Variants in RALGPS1 observed in about 807,000 individuals in gnomAD.
RALGPS1 encodes ras-specific guanine nucleotide-releasing factor RalGPS1.
A neutral mutation model predicts 78.8 loss-of-function variants in RALGPS1; 19 were observed. The ratio of observed to expected loss-of-function variants is 0.24; its 90% CI spans 0.17 to 0.35. RALGPS1 has a LOEUF of 0.35. Among genes scored for constraint, RALGPS1 ranks in the 10% least tolerant of loss-of-function variants. The probability of loss-of-function intolerance (pLI) is 1.00; values close to 1 mark genes in which losing one functional copy is unlikely to be tolerated. For missense variants in RALGPS1, 454 were observed against 688.3 expected (o/e 0.66, Z 3.81); for synonymous variants, 228 against 256.3 (o/e 0.89, Z 1.06).
intron 1 of RALGPS1, among the ~76,000 whole-genome samples, chr9:126,921,844 A>G (rs1191482237): frequency 6.6e-6 from 1 of 152,242 alleles, no homozygotes; most frequent in African/African-American, 2.4e-5. Context: ...GCACCCAGGA[A>G]GTGGGAGCTA....
intron 1 of RALGPS1, among the ~76,000 whole-genome samples, chr9:126,946,050 G>A (rs2037234201): frequency 6.6e-6 from 1 of 152,214 alleles, no homozygotes; most frequent in Non-Finnish European, 1.5e-5. Flanking sequence ...GGGAGACTGC[G>A]TAAGAGGCTT....
chr9:127,124,482 C>T (rs1052435502), intron 8 of RALGPS1, among the ~76,000 whole-genome samples: 1 of 152,204 alleles, frequency 6.6e-6, no homozygotes. Flanking sequence ...AGGCCCCACA[C>T]ACTGGGGAGC....
At position 127,219,956 on chromosome 9, in the gene RALGPS1, C is replaced by T. The variant is rs922463819; in HGVS notation, c.*1187C>T. 2 of 152,634 alleles carry T rather than the reference C, an allele frequency of 1.3e-5. No individual in the cohort carries two copies. The highest frequency in any genetic ancestry group is 1.9e-4 in the East Asian group (1 of 5,200). 9.5% of individuals were successfully genotyped at this position (152,634 alleles called of 1,614,324 possible). ...TGTTGATGACCGTGTGACAATAGAG[C>T]GAAGCCCCGGGGAGTGAACGGTCCA... is the stretch of plus-strand genomic sequence containing the variant. On this transcript the variant is annotated 3_prime_UTR_variant, in exon 19 of 19. Coordinates refer to ENST00000259351, the MANE Select transcript of RALGPS1 (RefSeq NM_014636.3). The surrounding 1 kb of genome is among the most constrained non-coding windows in gnomAD (Gnocchi z 5.0).
intron 8 of RALGPS1, among the ~76,000 whole-genome samples, chr9:127,121,601 T>C (rs1477200162): frequency 6.6e-6 from 1 of 152,230 alleles, no homozygotes; most frequent in Non-Finnish European, 1.5e-5. Context: ...TAATACTGAG[T>C]GCTTTCAGGC....
At chr9:127,000,534 CTTTTTTTTTTT>C (rs1163116649) in intron 4 of RALGPS1, among the ~76,000 whole-genome samples, 7 of 33,308 alleles carry the variant, frequency 2.1e-4, no homozygotes, top group South Asian at 1.8e-3. Flanking sequence ...CTTGTCTTGT[CTTTTTTTTTTT>C]TTTTTTTTTT....
intron 5 of RALGPS1, among the ~76,000 whole-genome samples, chr9:127,047,654 G>A (rs189559983): frequency 3.2e-4 from 48 of 151,124 alleles, no homozygotes; most frequent in Admixed American, 2.6e-4. Context: ...AGCAGAGATC[G>A]TGCCACTGCA....
intron 5 of RALGPS1, among the ~76,000 whole-genome samples, chr9:127,043,815 T>C (rs915345610): frequency 2.0e-5 from 3 of 152,174 alleles, no homozygotes; most frequent in Non-Finnish European, 4.4e-5. Context: ...AAAGAAGATA[T>C]GCAGATGGCA....
intron 1 of RALGPS1, among the ~76,000 whole-genome samples, chr9:126,942,771 A>G (rs2036904137): frequency 6.6e-6 from 1 of 152,180 alleles, no homozygotes; most frequent in African/African-American, 2.4e-5. Context: ...TTATAGATTG[A>G]TTGGGTGGAA....
At chr9:127,069,162 A>G (rs1276394686) in intron 7 of RALGPS1, 68 bp from the exon 8 acceptor site, 11 of 1,418,164 alleles carry the variant, frequency 7.8e-6, no homozygotes, top group South Asian at 1.3e-5. Flanking sequence ...TTTAGTCTTC[A>G]TCCACAGTTA....
chr9:127,141,707 G>A (rs567583756), intron 8 of RALGPS1, among the ~76,000 whole-genome samples: 2 of 151,486 alleles, frequency 1.3e-5, no homozygotes, highest in East Asian at 3.9e-4. Flanking sequence ...AGTGTAAGCA[G>A]GGCATAATCT....
intron 11 of RALGPS1, chr9:127,178,601 T>C (rs1256872846): frequency 1.8e-6 from 1 of 571,406 alleles, no homozygotes; most frequent in Non-Finnish European, 2.2e-6. Flanking sequence ...CTCCCCACTA[T>C]CACCCCCACC....
At chr9:127,125,417 C>G (rs906876607) in intron 8 of RALGPS1, among the ~76,000 whole-genome samples, 5 of 152,228 alleles carry the variant, frequency 3.3e-5, no homozygotes, top group African/African-American at 1.2e-4. Context: ...AATCCCAGCT[C>G]TCTCACTAAT....
chr9:127,107,963 T>C (rs2054385510), intron 8 of RALGPS1: 1 of 1,560,436 alleles, frequency 6.4e-7, no homozygotes, highest in Non-Finnish European at 8.7e-7. Flanking sequence ...GTGGGCATAG[T>C]GGGCAGAGGG....
At chr9:127,174,879 T>G in intron 11 of RALGPS1, 97 bp downstream of exon 11, 2 of 1,097,020 alleles carry the variant, frequency 1.8e-6, no homozygotes, top group Non-Finnish European at 2.8e-6. Flanking sequence ...GCAAATCAAG[T>G]TTGCAGCTTA....
chr9:126,990,034 C>T, intron 4 of RALGPS1: 2 of 1,548,280 alleles, frequency 1.3e-6, no homozygotes, highest in Middle Eastern at 1.7e-4. Context: ...ATGCCGTTTG[C>T]CTGCTCTGAA....
At chr9:127,058,750 T>A (rs2048953598) in intron 7 of RALGPS1, among the ~76,000 whole-genome samples, 1 of 152,164 alleles carries the variant, frequency 6.6e-6, no homozygotes, top group African/African-American at 2.4e-5. Flanking sequence ...TACAGTCAGG[T>A]GCTAGACATG....
At chr9:127,111,599 A>C (rs2054821851) in intron 8 of RALGPS1, among the ~76,000 whole-genome samples, 1 of 152,226 alleles carries the variant, frequency 6.6e-6, no homozygotes, top group Admixed American at 6.5e-5. Context: ...AGGAGGGCCT[A>C]TGTGTGTATT....
At chr9:126,993,945 C>G (rs577315501) in intron 4 of RALGPS1, among the ~76,000 whole-genome samples, 29 of 152,140 alleles carry the variant, frequency 1.9e-4, no homozygotes, top group Non-Finnish European at 3.1e-4. Flanking sequence ...TAGCAAACTC[C>G]GACAGACCTG....
chr9:127,060,138 G>C (rs965860598), intron 7 of RALGPS1, among the ~76,000 whole-genome samples: 1 of 152,080 alleles, frequency 6.6e-6, no homozygotes, highest in Non-Finnish European at 1.5e-5. Context: ...GCCCACACAT[G>C]GGGGGCTGTA....
Sources: gnomAD v4.1 joint callset for allele counts (sites outside exome capture counted in the v4.1 genomes callset) on GRCh38, gnomAD v4.1.1 for gene constraint, Gnocchi (gnomAD v3.1) non-coding constraint, MANE v1.5 for transcripts, NCBI Gene and HGNC (gene_info 2026-07-23, HGNC 2026-07-21) for gene names.